MIA2: variants seen among roughly 807,000 people sequenced by gnomAD.
MIA2 encodes melanoma inhibitory activity protein 2.
In MIA2, 127 loss-of-function variants were observed where a neutral mutation model predicts 167.8. The observed-to-expected ratio is 0.76, with a 90% CI of 0.66 to 0.88. MIA2 has a LOEUF of 0.88. MIA2 is among the 40% of genes least tolerant of loss of function. The pLI is 0.00. For missense variants in MIA2, 1,690 were observed against 1,624.7 expected, an observed-to-expected ratio of 1.04 and a Z score of -0.69; for synonymous variants, 552 against 541.9, an observed-to-expected ratio of 1.02 and a Z score of -0.26.
chr14:39,282,952 A>T (rs186646926), intron 9 of MIA2, among the ~76,000 whole-genome samples: 4 of 152,214 alleles, frequency 2.6e-5, no homozygotes, highest in Non-Finnish European at 5.9e-5. Flanking sequence ...TATATATTTG[A>T]CCTTTACAAA....
chr14:39,382,580 AAGG>A lies in MIA2; in HGVS notation c.2249-4302_2249-4300del, dbSNP rs537457994. Among the ~76,000 whole-genome samples the A allele has an allele frequency of 5.9e-5, 9 of 152,340 alleles. No homozygotes were observed. The East Asian group carries it at 1.5e-3, about 26-fold the overall frequency. ...ACTGAATCCACATGTTACAAGAAAA[AAGG>A]AGCAGGTAGGGGAATAGTCAATTAT... On this transcript the variant is annotated intron_variant, in intron 23 of 23. Transcript: ENST00000341502.
intron 21 of MIA2, 130 bp downstream of exon 21, chr14:39,315,848 T>C: frequency 1.6e-6 from 1 of 630,614 alleles, no homozygotes; most frequent in Non-Finnish European, 2.6e-6. Context: ...ATTTTACAAG[T>C]AGTGAAATTA....
chr14:39,300,963 C>CACATATATACATATATACACATATAT (rs1555378368), intron 14 of MIA2, among the ~76,000 whole-genome samples: 2 of 143,236 alleles, frequency 1.4e-5, no homozygotes, highest in African/African-American at 5.2e-5. Flanking sequence ...CATACATATA[C>CACATATATACATATATACACATATAT]ACATATATAC....
intron 22 of MIA2, among the ~76,000 whole-genome samples, chr14:39,318,586 G>T (rs1334096254): frequency 2.0e-5 from 3 of 151,820 alleles, no homozygotes; most frequent in African/African-American, 4.9e-5. Context: ...TAGTCCTCTT[G>T]CTTGTCTTTT....
chr14:39,306,389 G>T (rs1224549177), intron 17 of MIA2, among the ~76,000 whole-genome samples: 1 of 152,128 alleles, frequency 6.6e-6, no homozygotes, highest in Non-Finnish European at 1.5e-5. Context: ...AAGGTGAAGG[G>T]GTAGCTTCCT....
intron 6 of MIA2, among the ~76,000 whole-genome samples, chr14:39,274,161 A>G (rs2057581800): frequency 6.6e-6 from 1 of 152,168 alleles, no homozygotes; most frequent in African/African-American, 2.4e-5. Flanking sequence ...TCTGTGATTA[A>G]TCACTACCGT....
At chr14:39,336,337 C>A (rs989899714) in intron 25 of MIA2, among the ~76,000 whole-genome samples, 7 of 152,172 alleles carry the variant, frequency 4.6e-5, no homozygotes, top group Non-Finnish European at 8.8e-5. Flanking sequence ...TTGATCCAAA[C>A]ATTCTTATTA....
intron 24 of MIA2, among the ~76,000 whole-genome samples, chr14:39,322,721 T>C (rs760089114): frequency 5.9e-5 from 9 of 152,140 alleles, no homozygotes; most frequent in African/African-American, 9.7e-5. Context: ...TTTTCCTTTT[T>C]TGATCTCTCA....
In MIA2 at chr14:39,247,166, G is replaced by A; in HGVS notation, c.592G>A (p.Glu198Lys). 1 of 1,614,136 alleles carries A rather than the reference G, an allele frequency of 6.2e-7. No homozygotes were observed. The highest frequency in any genetic ancestry group is 1.1e-5 in the South Asian group (1 of 91,068). ...TACCAGTGAATCAAAAGACTGGGAA[G>A]AAGTAGTTGTTGAAAGTATGGAACA... is the stretch of plus-strand genomic sequence containing the variant. ...GSTSESKDWE[E>K]VVVESMEQDR... The change falls in exon 4 of 29, where the codon GAA becomes AAA. Residue 198 changes from glutamate to lysine, a missense_variant. Physicochemically the swap from Glu to Lys is moderately conservative, Grantham distance 56. Coordinates refer to ENST00000640607, the MANE Select transcript of MIA2 (RefSeq NM_001329214.4).
At chr14:39,365,737 C>G (rs760610834) in intron 23 of MIA2, among the ~76,000 whole-genome samples, 64 of 151,810 alleles carry the variant, frequency 4.2e-4, no homozygotes, top group Non-Finnish European at 7.5e-4. Context: ...TTTCTGATTT[C>G]TTTGTATTGT....
intron 23 of MIA2, among the ~76,000 whole-genome samples, chr14:39,373,828 AAAAT>A (rs1254227067): frequency 6.6e-6 from 1 of 152,138 alleles, no homozygotes; most frequent in East Asian, 1.9e-4. Context: ...CTAAAAATAA[AAAAT>A]AAAAAATAAA....
intron 20 of MIA2, 38 bp downstream of exon 20, chr14:39,314,837 T>A: frequency 1.4e-6 from 1 of 714,714 alleles, no homozygotes; most frequent in Non-Finnish European, 2.0e-6. Context: ...TGTGTGTGTG[T>A]ATATATATAT....
intron 23 of MIA2, 136 bp downstream of exon 23, chr14:39,319,427 G>T: frequency 2.5e-6 from 1 of 400,450 alleles, no homozygotes. Flanking sequence ...CAAGGTTCTA[G>T]ACTAAGCTTT....
chr14:39,363,779 C>T (rs565658823), intron 23 of MIA2, among the ~76,000 whole-genome samples: 1 of 152,266 alleles, frequency 6.6e-6, no homozygotes, highest in African/African-American at 2.4e-5. Context: ...TTCTTTGCCT[C>T]TGTATACTGT....
intron 9 of MIA2, among the ~76,000 whole-genome samples, chr14:39,289,628 G>C (rs962242806): frequency 1.3e-5 from 2 of 152,192 alleles, no homozygotes; most frequent in African/African-American, 2.4e-5. Context: ...TTGAAGGTCA[G>C]AAGTCTAGAA....
intron 4 of MIA2, among the ~76,000 whole-genome samples, chr14:39,249,484 C>G (rs1418787270): frequency 6.6e-6 from 1 of 151,932 alleles, no homozygotes; most frequent in Non-Finnish European, 1.5e-5. Context: ...GCTACCGTGC[C>G]CAGCTGATAA....
chr14:39,277,023 A>AT lies in MIA2; in HGVS notation c.1983dup (p.Ala662CysfsTer11), dbSNP rs2058097504. On this transcript the variant is annotated frameshift_variant, in exon 7 of 29. Transcript: ENST00000640607. LOFTEE classifies it high-confidence loss of function. The stretch of plus-strand genomic sequence containing the variant: ...TGGTGATATGTGCAGCTGTTGTTGG[A>AT]TTTTTTGCTGTTCTCTTTTTTTTGT... 6.2e-7 allele frequency: 1 copy of AT among 1,613,492 alleles called. No individual in the cohort carries two copies. The highest frequency in any genetic ancestry group is 1.3e-5 in the African/African-American group (1 of 74,814).
chr14:39,298,348 A>G (rs968087822), intron 13 of MIA2, among the ~76,000 whole-genome samples: 1 of 147,106 alleles, frequency 6.8e-6, no homozygotes. Flanking sequence ...GAGATGACCT[A>G]ATCACCAAAT....
intron 23 of MIA2, among the ~76,000 whole-genome samples, chr14:39,368,818 C>G (rs1011863020): frequency 3.3e-5 from 5 of 151,096 alleles, no homozygotes; most frequent in Admixed American, 6.6e-5. Flanking sequence ...GTTTAATCTT[C>G]AAGAACATTT....
Sources: allele counts gnomAD v4.1 joint callset (sites outside exome capture counted in the v4.1 genomes callset), GRCh38; gene constraint gnomAD v4.1.1; transcripts MANE v1.5; gene names NCBI Gene and HGNC (gene_info 2026-07-23, HGNC 2026-07-21).